The following ADAMTSL1 variants were observed in gnomAD, a reference collection of about 807,000 sequenced individuals.
ADAMTSL1 encodes the protein ADAMTS like 1.
A neutral mutation model predicts 201.8 loss-of-function variants in ADAMTSL1; 126 were observed. The ratio of observed to expected loss-of-function variants is 0.62; its 90% CI spans 0.54 to 0.72. The LOEUF is 0.72. ADAMTSL1 is among the 30% of genes least tolerant of loss of function. The probability of loss-of-function intolerance (pLI) is 0.00; values close to 1 mark genes in which losing one functional copy is unlikely to be tolerated. For synonymous variants in ADAMTSL1, 1,121 were observed against 903.4 expected, an observed-to-expected ratio of 1.24 and a Z score of -4.32; for missense variants, 2,679 against 2,277.8, an observed-to-expected ratio of 1.18 and a Z score of -3.59.
intron 2 of ADAMTSL1, among the ~76,000 whole-genome samples, chr9:18,312,065 T>A (rs1834178804): frequency 6.6e-6 from 1 of 152,190 alleles, no homozygotes; most frequent in African/African-American, 2.4e-5. Flanking sequence ...TGAGAAAATG[T>A]GCAGTATTCA....
intron 2 of ADAMTSL1, among the ~76,000 whole-genome samples, chr9:18,383,642 T>C: frequency 6.6e-6 from 1 of 152,188 alleles, no homozygotes; most frequent in East Asian, 1.9e-4. Context: ...ACTGTCCCCT[T>C]GGACTAAGGT....
At chr9:17,927,374 A>G (rs1826586460) in intron 1 of ADAMTSL1, among the ~76,000 whole-genome samples, 1 of 152,198 alleles carries the variant, frequency 6.6e-6, no homozygotes, top group East Asian at 1.9e-4. Flanking sequence ...ATATGTGCAT[A>G]TACATGCACA....
At chr9:17,913,577 C>T (rs1825973264) in intron 1 of ADAMTSL1, among the ~76,000 whole-genome samples, 1 of 151,972 alleles carries the variant, frequency 6.6e-6, no homozygotes, top group Admixed American at 6.6e-5. Context: ...CAGGAAAGAT[C>T]CAAAATTGAC....
chr9:18,404,562 C>T (rs1487655527), intron 2 of ADAMTSL1, among the ~76,000 whole-genome samples: 2 of 152,202 alleles, frequency 1.3e-5, no homozygotes, highest in Admixed American at 1.3e-4. Context: ...GATGAATTCA[C>T]CCAGGCTTTC....
chr9:18,501,635 T>G (rs900939218), intron 1 of ADAMTSL1, among the ~76,000 whole-genome samples: 3 of 152,032 alleles, frequency 2.0e-5, no homozygotes, highest in Non-Finnish European at 4.4e-5. Flanking sequence ...AGATTTTAAA[T>G]AATCAGAAAG....
chr9:18,119,176 A>G (rs1248110238), intron 1 of ADAMTSL1, among the ~76,000 whole-genome samples: 1 of 152,234 alleles, frequency 6.6e-6, no homozygotes, highest in Non-Finnish European at 1.5e-5. Flanking sequence ...AACATGATGT[A>G]AGAAGTTGTT....
chr9:18,114,389 T>C (rs532224037), intron 1 of ADAMTSL1, among the ~76,000 whole-genome samples: 4 of 152,184 alleles, frequency 2.6e-5, no homozygotes, highest in African/African-American at 7.2e-5. Flanking sequence ...GCATATACCA[T>C]GTGAGGAAAT....
chr9:18,447,782 G>A (rs1446788136), intron 2 of ADAMTSL1, among the ~76,000 whole-genome samples: 1 of 152,190 alleles, frequency 6.6e-6, no homozygotes, highest in African/African-American at 2.4e-5. Flanking sequence ...TGCCAAATGA[G>A]TTTGCTTCCT....
At chr9:18,355,439 A>G (rs1836176998) in intron 2 of ADAMTSL1, among the ~76,000 whole-genome samples, 1 of 152,172 alleles carries the variant, frequency 6.6e-6, no homozygotes, top group Admixed American at 6.5e-5. Flanking sequence ...TGATATTTTC[A>G]TCCCTCTCAG....
At chr9:18,644,473 G>C (rs1252261834) in intron 7 of ADAMTSL1, among the ~76,000 whole-genome samples, 2 of 151,898 alleles carry the variant, frequency 1.3e-5, no homozygotes, top group South Asian at 2.1e-4. Context: ...TGGCATGCTG[G>C]TGTGCTGCAC....
chr9:18,217,677 C>T (rs1373368340), intron 2 of ADAMTSL1, among the ~76,000 whole-genome samples: 1 of 152,156 alleles, frequency 6.6e-6, no homozygotes, highest in Non-Finnish European at 1.5e-5. Context: ...GCCTAATTAT[C>T]TCTTCCATTA....
chr9:18,626,907 CTTTT>C (rs1564099787), intron 5 of ADAMTSL1, among the ~76,000 whole-genome samples: 4 of 136,724 alleles, frequency 2.9e-5, no homozygotes. Context: ...TCCTTTCTTT[CTTTT>C]CTTTTTTTCT....
chr9:18,841,236 T>A (rs1207152713), intron 23 of ADAMTSL1, among the ~76,000 whole-genome samples: 1 of 152,126 alleles, frequency 6.6e-6, no homozygotes, highest in Non-Finnish European at 1.5e-5. Context: ...ATTGAGAGTT[T>A]TTAGCATGAA....
intron 1 of ADAMTSL1, among the ~76,000 whole-genome samples, chr9:18,004,117 G>C (rs1408569011): frequency 6.6e-6 from 1 of 151,892 alleles, no homozygotes; most frequent in Non-Finnish European, 1.5e-5. Context: ...ATGTTTTAAA[G>C]GAAAGCAATT....
chr9:18,082,786 A>G (rs1823564179), intron 1 of ADAMTSL1, among the ~76,000 whole-genome samples: 1 of 152,182 alleles, frequency 6.6e-6, no homozygotes, highest in African/African-American at 2.4e-5. Flanking sequence ...AGGCAGAGGT[A>G]AGAAAGAAGA....
chr9:18,635,713 A>G (rs1049417696), intron 5 of ADAMTSL1, among the ~76,000 whole-genome samples: 4 of 152,198 alleles, frequency 2.6e-5, no homozygotes, highest in African/African-American at 9.6e-5. Context: ...CAAAATTCCT[A>G]TTTTTTAAAA....
chr9:18,685,313 A>G (rs1283965803), intron 13 of ADAMTSL1, among the ~76,000 whole-genome samples: 19 of 152,140 alleles, frequency 1.2e-4, no homozygotes, highest in Non-Finnish European at 1.5e-5. Context: ...TCCCATGTCT[A>G]CTCAATTTTA....
chr9:18,621,938 C>G (rs1826061739), intron 4 of ADAMTSL1, among the ~76,000 whole-genome samples: 1 of 152,154 alleles, frequency 6.6e-6, no homozygotes, highest in South Asian at 2.1e-4. Context: ...ATCAATAATT[C>G]AGGATCTTCT....
At chr9:18,869,059 G>A (rs975230582) in intron 23 of ADAMTSL1, among the ~76,000 whole-genome samples, 7 of 152,230 alleles carry the variant, frequency 4.6e-5, no homozygotes, top group South Asian at 2.1e-4. Flanking sequence ...TTAGATATAC[G>A]CAGACATGCA....
Sources: allele counts gnomAD v4.1 joint callset (sites outside exome capture counted in the v4.1 genomes callset), GRCh38; gene constraint gnomAD v4.1.1; transcripts MANE v1.5; gene names NCBI Gene and HGNC (gene_info 2026-07-23, HGNC 2026-07-21).